Variants in SPATS2 observed in about 807,000 individuals in gnomAD.
SPATS2 encodes spermatogenesis-associated serine-rich protein 2.
A neutral mutation model predicts 63.7 loss-of-function variants in SPATS2; 38 were observed. The observed-to-expected ratio is 0.60, with a 90% CI of 0.46 to 0.78. The LOEUF (loss-of-function observed/expected upper bound fraction) is 0.78. Among genes scored for constraint, SPATS2 ranks in the 30% least tolerant of loss-of-function variants. The pLI, the probability that SPATS2 is intolerant of heterozygous loss-of-function variation, is 0.00. For missense variants in SPATS2, 588 were observed against 666.2 expected, an observed-to-expected ratio of 0.88 and a Z score of 1.29; for synonymous variants, 207 against 232.9, an observed-to-expected ratio of 0.89 and a Z score of 1.01.
intron 2 of SPATS2, among the ~76,000 whole-genome samples, chr12:49,450,704 C>G (rs1214783508): frequency 1.3e-5 from 2 of 151,896 alleles, no homozygotes; most frequent in Admixed American, 6.6e-5. Flanking sequence ...TCACCATGCC[C>G]AGCTAATTTT....
At chr12:49,491,664 C>A (rs1946385202) in intron 6 of SPATS2, among the ~76,000 whole-genome samples, 2 of 152,322 alleles carry the variant, frequency 1.3e-5, no homozygotes, top group South Asian at 2.1e-4. Context: ...TATCTACTGG[C>A]ATTGTGACTG....
chr12:49,478,418 TC>T (rs1438235003), intron 3 of SPATS2, among the ~76,000 whole-genome samples: 2 of 152,202 alleles, frequency 1.3e-5, no homozygotes, highest in African/African-American at 4.8e-5. Flanking sequence ...GAAACTGAAC[TC>T]CACTTGTAAT....
chr12:49,392,917 T>G (rs1204854670), intron 2 of SPATS2, among the ~76,000 whole-genome samples: 1 of 152,030 alleles, frequency 6.6e-6, no homozygotes, highest in Non-Finnish European at 1.5e-5. Context: ...CCAGGCGTGG[T>G]GGCAGGCGCC....
At chr12:49,387,194 AG>A (rs369428741) in intron 2 of SPATS2, 5 of 152,392 alleles carry the variant, frequency 3.3e-5, no homozygotes, top group Admixed American at 6.5e-5. Flanking sequence ...GTGGCCCCAG[AG>A]GAGAACCGGC....
At position 49,525,931 on chromosome 12, in the gene SPATS2, C is replaced by G. The variant is rs753609714; in HGVS notation, c.1327-13C>G. On this transcript the variant is annotated splice_polypyrimidine_tract_variant and intron_variant, in intron 13 of 13. Transcript: ENST00000552918. ...GCTAGAGCACCTTGAACATTGTATTCTTTCATCTTTAGGTATTGCCAGGGA... is the reference window on the plus strand; with the variant it reads ...GCTAGAGCACCTTGAACATTGTATTGTTTCATCTTTAGGTATTGCCAGGGA... The G allele has an allele frequency of 6.2e-7, 1 of 1,609,880 alleles. No homozygotes were observed. Among genetic ancestry groups the G allele is most frequent in the South Asian group, 1.1e-5 (1 of 90,524 alleles).
rs1946255552 is a variant in SPATS2 at position 49,484,476 on chromosome 12, A to G, written c.26-114A>G. Reference sequence around the variant, plus strand: ...ATGTAACAGAATTTGCCAAATAGCAACTAAGTTGCTGTTAATTGTTTTATG... The same window carrying G: ...ATGTAACAGAATTTGCCAAATAGCAGCTAAGTTGCTGTTAATTGTTTTATG... On this transcript the variant is annotated intron_variant, in intron 3 of 13. Transcript: ENST00000552918. The G allele has an allele frequency of 2.5e-5, 23 of 920,388 alleles. No homozygotes were observed. The South Asian group carries it at 3.9e-4, about 15-fold the overall frequency. The allele number at this position is 920,388 out of a possible 1,614,324, so 57.0% of individuals were successfully genotyped here.
intron 2 of SPATS2, among the ~76,000 whole-genome samples, chr12:49,456,623 G>A (rs1269602756): frequency 6.6e-6 from 1 of 152,210 alleles, no homozygotes; most frequent in Admixed American, 6.5e-5. Flanking sequence ...GACTCAGGAT[G>A]AGAGATTCTC....
At chr12:49,471,266 A>G (rs1565738593) in intron 3 of SPATS2, among the ~76,000 whole-genome samples, 1 of 152,196 alleles carries the variant, frequency 6.6e-6, no homozygotes, top group Non-Finnish European at 1.5e-5. Context: ...GCCTTTTTCA[A>G]CTTGAGACCA....
chr12:49,475,848 G>A (rs950616302), intron 3 of SPATS2, among the ~76,000 whole-genome samples: 1 of 152,182 alleles, frequency 6.6e-6, no homozygotes, highest in African/African-American at 2.4e-5. Context: ...GCTAATGAGA[G>A]ATGTCCTGGA....
intron 2 of SPATS2, among the ~76,000 whole-genome samples, chr12:49,407,775 CAG>C (rs1565706963): frequency 6.6e-6 from 1 of 152,146 alleles, no homozygotes; most frequent in African/African-American, 2.4e-5. Context: ...TAGGCTAAGA[CAG>C]GGGTTGCCAA....
intron 2 of SPATS2, among the ~76,000 whole-genome samples, chr12:49,402,010 T>C (rs999511515): frequency 2.2e-4 from 33 of 152,342 alleles, no homozygotes; most frequent in African/African-American, 7.9e-4. Flanking sequence ...AGGGTCTCGC[T>C]CTGTCGCCCA....
At chr12:49,388,037 C>A (rs1944351677) in intron 2 of SPATS2, among the ~76,000 whole-genome samples, 1 of 152,308 alleles carries the variant, frequency 6.6e-6, no homozygotes, top group East Asian at 1.9e-4. Context: ...CTGCCTCAGC[C>A]TGTTGGGTAG....
chr12:49,486,193 T>G, intron 4 of SPATS2: 1 of 452,656 alleles, frequency 2.2e-6, no homozygotes. Flanking sequence ...CTTTTGTTGT[T>G]GTTGTTGTTG....
chr12:49,375,778 A>G (rs1413520538), intron 2 of SPATS2, among the ~76,000 whole-genome samples: 1 of 152,194 alleles, frequency 6.6e-6, no homozygotes, highest in African/African-American at 2.4e-5. Context: ...TAGGTGGGAC[A>G]TAACACTGCA....
chr12:49,416,976 G>C lies in SPATS2; in HGVS notation c.-243-43794G>C, dbSNP rs1944900075. 3.3e-5 allele frequency among the ~76,000 whole-genome samples: 5 copies of C among 152,256 alleles called. No individual in the cohort carries two copies. The South Asian group carries it at 1.0e-3, about 32-fold the overall frequency. ...TTTTGGAAGCTAGACAACGTGTCAG[G>C]CTTTTCTCTTCCCTTTTTCACTAGG... is the stretch of plus-strand genomic sequence containing the variant. On this transcript the variant is annotated intron_variant, in intron 2 of 13. Transcript: ENST00000552918.
At chr12:49,520,530 C>T (rs1170459121) in intron 11 of SPATS2, among the ~76,000 whole-genome samples, 1 of 152,142 alleles carries the variant, frequency 6.6e-6, no homozygotes, top group Admixed American at 6.6e-5. Context: ...TTGTCTTCCC[C>T]ACTAGATAGT....
At chr12:49,518,000 A>C (rs1946879223) in intron 10 of SPATS2, among the ~76,000 whole-genome samples, 1 of 152,132 alleles carries the variant, frequency 6.6e-6, no homozygotes, top group Non-Finnish European at 1.5e-5. Context: ...CCACCTCCTC[A>C]ATAGCAATAC....
Position 49,460,940 on chromosome 12 carries a change from T to C in SPATS2, c.-73T>C, listed in dbSNP as rs2137676841. On this transcript the variant is annotated 5_prime_UTR_variant, in exon 3 of 14. Coordinates refer to ENST00000552918, the MANE Select transcript of SPATS2 (RefSeq NM_023071.4). ...CCGTTGCCCACTTTTAAATCAGAGA[T>C]ACCTACACTCAAAACCCAGACAAGG... is the stretch of plus-strand genomic sequence containing the variant. 2.4e-5 allele frequency: 37 copies of C among 1,573,804 alleles called. No homozygotes were observed. Among genetic ancestry groups the C allele is most frequent in the Non-Finnish European group, 3.1e-5 (36 of 1,147,236 alleles).
At chr12:49,402,498 T>C (rs1944623883) in intron 2 of SPATS2, among the ~76,000 whole-genome samples, 1 of 152,096 alleles carries the variant, frequency 6.6e-6, no homozygotes. Flanking sequence ...ACTATAATTA[T>C]TGTAACGACA....
Sources: allele counts gnomAD v4.1 joint callset (sites outside exome capture counted in the v4.1 genomes callset), GRCh38; gene constraint gnomAD v4.1.1; transcripts MANE v1.5; gene names NCBI Gene and HGNC (gene_info 2026-07-23, HGNC 2026-07-21).